Variants in RANBP2 observed in about 807,000 individuals in gnomAD.
The protein encoded by RANBP2 is RAN binding protein 2.
A neutral mutation model predicts 303.6 loss-of-function variants in RANBP2; 57 were observed. The ratio of observed to expected loss-of-function variants is 0.19; its 90% CI spans 0.15 to 0.23. RANBP2 has a LOEUF of 0.23. Ranked by LOEUF, RANBP2 falls within the 10% of genes least tolerant of loss-of-function variation. The pLI is 1.00. For synonymous variants in RANBP2, 1,167 were observed against 1,301.5 expected (o/e 0.90, Z 2.23); for missense variants, 3,138 against 3,780.8 (o/e 0.83, Z 4.46).
At chr2:109,353,434 TGA>T in the RANBP2 span, among the ~76,000 whole-genome samples, 1 of 152,168 alleles carries the variant, frequency 6.6e-6, no homozygotes, top group East Asian at 1.9e-4. Flanking sequence ...CCCTTTCTCC[TGA>T]GAGGTAGGTG....
the RANBP2 span, among the ~76,000 whole-genome samples, chr2:109,418,006 C>G: frequency 6.6e-6 from 1 of 152,090 alleles, no homozygotes; most frequent in African/African-American, 2.4e-5. Context: ...GGTGGCTCTC[C>G]CTCCCATCTG....
chr2:109,538,291 T>C, the RANBP2 span, among the ~76,000 whole-genome samples: 5 of 152,260 alleles, frequency 3.3e-5, no homozygotes, highest in East Asian at 9.7e-4. Context: ...ACCTAGACAG[T>C]CCAGGATCAT....
chr2:109,473,479 C>T, the RANBP2 span, among the ~76,000 whole-genome samples: 1 of 152,078 alleles, frequency 6.6e-6, no homozygotes, highest in Non-Finnish European at 1.5e-5. Context: ...TGTAAAATAG[C>T]AGATATAGGT....
the RANBP2 span, among the ~76,000 whole-genome samples, chr2:109,638,361 T>A: frequency 6.6e-6 from 1 of 152,318 alleles, no homozygotes; most frequent in East Asian, 1.9e-4. Context: ...AAATGAGGCA[T>A]AACTACTCCC....
At chr2:109,193,567 T>C in the RANBP2 span, among the ~76,000 whole-genome samples, 1 of 152,196 alleles carries the variant, frequency 6.6e-6, no homozygotes, top group African/African-American at 2.4e-5. Context: ...AGCTCACCCA[T>C]GTGGTATGTG....
the RANBP2 span, among the ~76,000 whole-genome samples, chr2:109,668,609 G>T: frequency 1.3e-5 from 2 of 152,196 alleles, no homozygotes; most frequent in African/African-American, 2.4e-5. Context: ...TGGAATGGAT[G>T]TGTCACATTC....
At chr2:109,328,893 G>T in the RANBP2 span, among the ~76,000 whole-genome samples, 1 of 152,150 alleles carries the variant, frequency 6.6e-6, no homozygotes, top group Non-Finnish European at 1.5e-5. Flanking sequence ...CCTTCTCCAT[G>T]CTCTGAGCAG....
chr2:109,181,259 C>T, the RANBP2 span, among the ~76,000 whole-genome samples: 1 of 152,160 alleles, frequency 6.6e-6, no homozygotes, highest in Admixed American at 6.5e-5. Context: ...CTGTATACCC[C>T]TTGCCCAGTC....
the RANBP2 span, among the ~76,000 whole-genome samples, chr2:109,386,424 A>G: frequency 6.6e-6 from 1 of 152,190 alleles, no homozygotes; most frequent in African/African-American, 2.4e-5. Flanking sequence ...TTTAAAAAAA[A>G]AAAAAAAAAC....
At chr2:109,290,305 T>C in the RANBP2 span, among the ~76,000 whole-genome samples, 2 of 152,226 alleles carry the variant, frequency 1.3e-5, no homozygotes, top group Admixed American at 1.3e-4. Flanking sequence ...ATATAACACA[T>C]TGCCCCCAGG....
At chr2:109,005,815 G>A in the RANBP2 span, among the ~76,000 whole-genome samples, 1 of 152,170 alleles carries the variant, frequency 6.6e-6, no homozygotes, top group South Asian at 2.1e-4. Flanking sequence ...GTATTTTCCT[G>A]GAAATCAGCT....
the RANBP2 span, among the ~76,000 whole-genome samples, chr2:109,512,388 C>T: frequency 6.6e-6 from 1 of 152,174 alleles, no homozygotes; most frequent in Admixed American, 6.5e-5. Flanking sequence ...TTTCACCTCT[C>T]ACTGTGGCCT....
the RANBP2 span, among the ~76,000 whole-genome samples, chr2:109,065,815 A>G: frequency 3.3e-3 from 502 of 152,316 alleles, 3 homozygotes; most frequent in African/African-American, 0.011. Flanking sequence ...GCTTCCTGTC[A>G]TCTGCCTCAA....
chr2:109,590,054 GTGTATATATATACACACACATATATA>G, the RANBP2 span, among the ~76,000 whole-genome samples: 2 of 146,352 alleles, frequency 1.4e-5, no homozygotes, highest in Admixed American at 6.8e-5. Flanking sequence ...ATATATGTGT[GTGTATATATATACACACACATATATA>G]TGTATATATA....
chr2:109,571,588 A>G, the RANBP2 span, among the ~76,000 whole-genome samples: 11 of 152,390 alleles, frequency 7.2e-5, no homozygotes, highest in East Asian at 1.7e-3. Flanking sequence ...TACAGTAAAA[A>G]TAAGGTATAA....
the RANBP2 span, among the ~76,000 whole-genome samples, chr2:109,592,799 A>G: frequency 1.3e-5 from 2 of 152,062 alleles, no homozygotes; most frequent in South Asian, 2.1e-4. Context: ...AAGGAAACGA[A>G]AAAAGAAACA....
At chr2:109,064,477 A>AAAAAC in the RANBP2 span, among the ~76,000 whole-genome samples, 1 of 148,236 alleles carries the variant, frequency 6.7e-6, no homozygotes. Context: ...AAAAACAAAA[A>AAAAAC]CAAACTGGTA....
chr2:108,792,522 A>G, the RANBP2 span, among the ~76,000 whole-genome samples: 1 of 152,224 alleles, frequency 6.6e-6, no homozygotes, highest in Non-Finnish European at 1.5e-5. Flanking sequence ...AAAGTAGACA[A>G]AATTAAGAAA....
chr2:109,349,886 A>G, the RANBP2 span, among the ~76,000 whole-genome samples: 7 of 152,256 alleles, frequency 4.6e-5, no homozygotes, highest in African/African-American at 1.7e-4. Context: ...CCACTGGACA[A>G]GAGGACAAAG....
Sources: allele counts gnomAD v4.1 joint callset (sites outside exome capture counted in the v4.1 genomes callset), GRCh38; gene constraint gnomAD v4.1.1; transcripts MANE v1.5; gene names NCBI Gene and HGNC (gene_info 2026-07-23, HGNC 2026-07-21).